The following FAM107B variants were observed in gnomAD, a reference collection of about 807,000 sequenced individuals.
FAM107B encodes family with sequence similarity 107 member B.
A neutral mutation model predicts 31.5 loss-of-function variants in FAM107B; 21 were observed. The observed-to-expected ratio is 0.67, with a 90% confidence interval of 0.47 to 0.96. FAM107B has a LOEUF of 0.96. Among genes scored for constraint, FAM107B ranks in the 40% least tolerant of loss-of-function variants. The probability of loss-of-function intolerance (pLI) is 0.00; values close to 1 mark genes in which losing one functional copy is unlikely to be tolerated. For missense variants in FAM107B, 452 were observed against 377.1 expected, an observed-to-expected ratio of 1.20 and a Z score of -1.64; for synonymous variants, 157 against 141.5, an observed-to-expected ratio of 1.11 and a Z score of -0.78.
intron 2 of FAM107B, chr10:14,542,636 G>A (rs1848322023): frequency 6.6e-6 from 1 of 152,202 alleles, no homozygotes; most frequent in South Asian, 2.1e-4. Context: ...CTGAGTAGGG[G>A]AGGTCAACCC....
At chr10:14,562,994 G>A (rs1850368807) in intron 2 of FAM107B, among the ~76,000 whole-genome samples, 1 of 152,192 alleles carries the variant, frequency 6.6e-6, no homozygotes, top group Non-Finnish European at 1.5e-5. Flanking sequence ...TTTAATTTAT[G>A]CAACTTTTCT....
intron 2 of FAM107B, among the ~76,000 whole-genome samples, chr10:14,570,230 GTGGGT>G (rs1851082328): frequency 9.2e-6 from 1 of 108,798 alleles, no homozygotes; most frequent in Admixed American, 1.0e-4. Flanking sequence ...AAAAAATGTG[GTGGGT>G]GTGTGTGTGT....
At chr10:14,750,678 G>A (rs909222196) in intron 1 of FAM107B, among the ~76,000 whole-genome samples, 1 of 152,334 alleles carries the variant, frequency 6.6e-6, no homozygotes, top group Middle Eastern at 3.4e-3. Context: ...TTGGATATGT[G>A]GCTCATGCCT....
At chr10:14,556,763 A>G (rs529627072) in intron 2 of FAM107B, among the ~76,000 whole-genome samples, 150 of 152,372 alleles carry the variant, frequency 9.8e-4, no homozygotes, top group African/African-American at 3.5e-3. Flanking sequence ...GAATAGAAAA[A>G]GTTCAAAGCA....
chr10:14,599,647 T>G (rs1166966284), intron 2 of FAM107B, among the ~76,000 whole-genome samples: 1 of 151,928 alleles, frequency 6.6e-6, no homozygotes, highest in Non-Finnish European at 1.5e-5. Context: ...TACAGTTTTT[T>G]AAAAAAAGAT....
At chr10:14,571,855 G>A in intron 2 of FAM107B, 1 of 985,452 alleles carries the variant, frequency 1.0e-6, no homozygotes. Context: ...AGCCCAGGAA[G>A]TCATCCCCAT....
chr10:14,754,304 T>A (rs1394259633), intron 1 of FAM107B, among the ~76,000 whole-genome samples: 1 of 152,174 alleles, frequency 6.6e-6, no homozygotes, highest in Non-Finnish European at 1.5e-5. Flanking sequence ...GCAGGGGTCG[T>A]GGAGCCTCTT....
intron 1 of FAM107B, among the ~76,000 whole-genome samples, chr10:14,751,270 G>A (rs978943670): frequency 2.0e-5 from 3 of 152,156 alleles, no homozygotes; most frequent in African/African-American, 2.4e-5. Context: ...AAAACGAGAG[G>A]ACGTTTTGGG....
chr10:14,751,911 C>G (rs2131582811), intron 1 of FAM107B, among the ~76,000 whole-genome samples: 1 of 152,104 alleles, frequency 6.6e-6, no homozygotes, highest in Admixed American at 6.5e-5. Flanking sequence ...AGTGAGTTTC[C>G]CAAATGGCTG....
chr10:14,560,955 G>C (rs926484298), intron 2 of FAM107B, among the ~76,000 whole-genome samples: 2 of 152,110 alleles, frequency 1.3e-5, no homozygotes, highest in Admixed American at 1.3e-4. Context: ...AGCCAACTGT[G>C]TGGCCATCCC....
intron 2 of FAM107B, among the ~76,000 whole-genome samples, chr10:14,555,311 C>T (rs1476309780): frequency 6.6e-6 from 1 of 152,054 alleles, no homozygotes; most frequent in Non-Finnish European, 1.5e-5. Flanking sequence ...TTTTTTACCT[C>T]AAGGAAAAAC....
chr10:14,661,232 C>T (rs533246180), intron 2 of FAM107B, among the ~76,000 whole-genome samples: 1 of 152,150 alleles, frequency 6.6e-6, no homozygotes, highest in Non-Finnish European at 1.5e-5. Context: ...AATGCAAGAA[C>T]GGACTAATTT....
At chr10:14,642,741 C>T (rs1364412294) in intron 2 of FAM107B, among the ~76,000 whole-genome samples, 1 of 152,182 alleles carries the variant, frequency 6.6e-6, no homozygotes, top group Non-Finnish European at 1.5e-5. Flanking sequence ...TCAGGAAGAA[C>T]CAAGCCACTC....
At chr10:14,690,352 C>T (rs1564626924) in intron 1 of FAM107B, among the ~76,000 whole-genome samples, 1 of 152,216 alleles carries the variant, frequency 6.6e-6, no homozygotes, top group Non-Finnish European at 1.5e-5. Context: ...TCCCCTCATC[C>T]TTCTGGGTGT....
chr10:14,532,103 T>C (rs1470333350), intron 2 of FAM107B, among the ~76,000 whole-genome samples: 3 of 152,238 alleles, frequency 2.0e-5, no homozygotes, highest in African/African-American at 7.2e-5. Context: ...AACATATCAA[T>C]GCTGACCCTG....
intron 1 of FAM107B, among the ~76,000 whole-genome samples, chr10:14,751,342 T>C (rs1461831453): frequency 6.6e-6 from 1 of 152,182 alleles, no homozygotes; most frequent in Admixed American, 6.5e-5. Context: ...GAGCTAAGTG[T>C]GCTTGGACCA....
intron 2 of FAM107B, chr10:14,553,390 T>TA (rs1390686432): frequency 1.6e-6 from 2 of 1,275,602 alleles, no homozygotes; most frequent in South Asian, 1.3e-5. Context: ...GCATTCTCCT[T>TA]TAAAAAAAAA....
In FAM107B at chr10:14,572,736, A is replaced by ATTTTATATAT. The variant is rs1455058375; in HGVS notation, c.470-42222_470-42221insATATATAAAA. Among the ~76,000 whole-genome samples the ATTTTATATAT allele has an allele frequency of 3.1e-3, 267 of 86,456 alleles. 13 individuals carry two copies. Among genetic ancestry groups the ATTTTATATAT allele is most frequent in the Middle Eastern group, 0.021 (3 of 146 alleles). The allele number at this position is 86,456 out of a possible 152,430, so 56.7% of individuals were successfully genotyped here. The stretch of plus-strand genomic sequence containing the variant: ...CCCCATCTCTTCAAAAAAAAAAAAA[A>ATTTTATATAT]ATTTATATATATATATATATATATT... On this transcript the variant is annotated intron_variant, in intron 2 of 4. Transcript: ENST00000181796.
At chr10:14,600,626 T>G (rs564410230) in intron 2 of FAM107B, among the ~76,000 whole-genome samples, 5 of 152,308 alleles carry the variant, frequency 3.3e-5, no homozygotes, top group African/African-American at 1.2e-4. Context: ...TTTGTATAAT[T>G]CTTTTTTATG....
Sources: gnomAD v4.1 joint callset for allele counts (sites outside exome capture counted in the v4.1 genomes callset) on GRCh38, gnomAD v4.1.1 for gene constraint, MANE v1.5 for transcripts, NCBI Gene and HGNC (gene_info 2026-07-23, HGNC 2026-07-21) for gene names.